Variants in LRP6 observed in about 807,000 individuals in gnomAD.
LRP6 encodes LDL receptor related protein 6.
In LRP6, 43 loss-of-function variants were observed where a neutral mutation model predicts 184.1. The ratio of observed to expected loss-of-function variants is 0.23; its 90% confidence interval spans 0.18 to 0.30. The LOEUF is 0.30. Among genes scored for constraint, LRP6 ranks in the 10% least tolerant of loss-of-function variants. The probability of loss-of-function intolerance (pLI) is 1.00; values close to 1 mark genes in which losing one functional copy is unlikely to be tolerated. For missense variants in LRP6, 1,571 were observed against 2,005.3 expected, an observed-to-expected ratio of 0.78 and a Z score of 4.14; for synonymous variants, 719 against 684.9, an observed-to-expected ratio of 1.05 and a Z score of -0.78.
At chr12:12,165,799 G>A (rs1325121829) in intron 7 of LRP6, among the ~76,000 whole-genome samples, 1 of 151,822 alleles carries the variant, frequency 6.6e-6, no homozygotes, top group Admixed American at 6.6e-5. Flanking sequence ...TTTTTATTTT[G>A]TTGTTGTTGT....
In LRP6 at chr12:12,229,934, G is replaced by A. The variant is rs192453287; in HGVS notation, c.449+14328C>T. Among the ~76,000 whole-genome samples the A allele has an allele frequency of 2.9e-4, 44 of 152,242 alleles. 1 individual carries two copies. The highest frequency in any genetic ancestry group is 2.7e-3 in the Admixed American group (42 of 15,288). The stretch of plus-strand genomic sequence containing the variant: ...TGATAATGATTAAATAAATATATGT[G>A]GTCACAGCTCCACTTTGCAATAGTA... On this transcript the variant is annotated intron_variant, in intron 2 of 22. Transcript: ENST00000261349.
chr12:12,155,749 AT>A (rs1480582431), intron 12 of LRP6: 1 of 987,396 alleles, frequency 1.0e-6, no homozygotes, highest in African/African-American at 1.6e-5. Context: ...GCTGGAACCT[AT>A]TCCCTATGAA....
chr12:12,185,851 T>TG lies in LRP6; in HGVS notation c.844+1071_844+1072insC, dbSNP rs1283787298. ...TTGTGTGTGTGTGTGTTTTTTGTTT[T>TG]TTTTTTTTTTGAGACATAATTTCTT... On this transcript the variant is annotated intron_variant, in intron 4 of 22. Coordinates refer to ENST00000261349, the MANE Select transcript of LRP6 (RefSeq NM_002336.3). 2.4e-3 allele frequency among the ~76,000 whole-genome samples: 367 copies of TG among 151,486 alleles called. 1 individual carries two copies. The highest frequency in any genetic ancestry group is 8.1e-3 in the African/African-American group (333 of 41,272).
At chr12:12,186,725 C>G in intron 4 of LRP6, 198 bp downstream of exon 4, 1 of 578,010 alleles carries the variant, frequency 1.7e-6, no homozygotes, top group Non-Finnish European at 3.2e-6. Flanking sequence ...GTGGCGCAAT[C>G]TCAGCTCACT....
At position 12,117,857 on chromosome 12, in the gene LRP6, T is replaced by G. The variant is rs1398141343; in HGVS notation, c.*3269A>C. ...GTTTCCTTCATATAAATTACTGACTTTAGGATATTTTTAAATGATAAAGAA... is the reference window on the plus strand; with the variant it reads ...GTTTCCTTCATATAAATTACTGACTGTAGGATATTTTTAAATGATAAAGAA... On this transcript the variant is annotated 3_prime_UTR_variant, in exon 23 of 23. Transcript: ENST00000261349. 1 of 152,152 alleles carries G rather than the reference T, an allele frequency of 6.6e-6. No individual in the cohort carries two copies. The highest frequency in any genetic ancestry group is 1.5e-5 in the Non-Finnish European group (1 of 68,018). The allele number at this position is 152,152 out of a possible 1,614,324, so 9.4% of individuals were successfully genotyped here. A position where few individuals can be genotyped will look rare whatever the true frequency, so the allele number is the denominator to read the frequency against.
At chr12:12,175,503 C>T (rs977015570) in intron 7 of LRP6, among the ~76,000 whole-genome samples, 1 of 151,740 alleles carries the variant, frequency 6.6e-6, no homozygotes, top group African/African-American at 2.4e-5. Context: ...CTGGCTAACA[C>T]AGTGAAACCC....
Position 12,125,397 on chromosome 12 carries a change from T to G in LRP6, c.4348A>C (p.Ser1450Arg). 2 of 1,614,052 alleles carry G rather than the reference T, an allele frequency of 1.2e-6. No individual in the cohort carries two copies. Among genetic ancestry groups the G allele is most frequent in the Non-Finnish European group, 1.7e-6 (2 of 1,179,952 alleles). The change falls in exon 21 of 23, where the codon AGT becomes CGT. Residue 1450 changes from serine (S) to arginine (R), a missense_variant. Around this residue, in one of 4 missense-constraint regions of LRP6, gnomAD observed 763 missense variants for 859.5 expected, o/e 0.89. Coordinates refer to ENST00000261349, the MANE Select transcript of LRP6 (RefSeq NM_002336.3). ...SRGKSMISSL[S>R]IMGGSSGPPY... ...GGTCCACTGCTTCCCCCCATGATAC[T>G]GAGGGAGCTGATCATTGATTTACCT...
At chr12:12,207,473 G>A (rs554493223) in intron 2 of LRP6, among the ~76,000 whole-genome samples, 2 of 152,240 alleles carry the variant, frequency 1.3e-5, no homozygotes, top group Non-Finnish European at 2.9e-5. Flanking sequence ...GGCAGAGGAT[G>A]CAGTGAGCCA....
chr12:12,184,940 G>C (rs7966410), intron 4 of LRP6, among the ~76,000 whole-genome samples: 67,513 of 152,028 alleles, frequency 0.44, 17,998 homozygotes, highest in East Asian at 0.77. Flanking sequence ...TAACCAACAT[G>C]AAAGATAACT....
chr12:12,163,507 C>T (rs1338406877), intron 9 of LRP6, among the ~76,000 whole-genome samples: 1 of 152,142 alleles, frequency 6.6e-6, no homozygotes, highest in Non-Finnish European at 1.5e-5. Flanking sequence ...AGGTTGGGAG[C>T]TTCCTCTCTG....
Position 12,196,897 on chromosome 12 carries a change from C to T in LRP6, c.647+6306G>A, listed in dbSNP as rs143783629. ...TGATGTTAGTAGCCATCGACGCTCA[C>T]CACCTAGACCCATTCGTTCACCAAA... On this transcript the variant is annotated intron_variant, in intron 3 of 22. Transcript: ENST00000261349. 1.6e-3 allele frequency among the ~76,000 whole-genome samples: 245 copies of T among 152,278 alleles called. 6 individuals are homozygous for T. Among genetic ancestry groups the T allele is most frequent in the African/African-American group, 5.7e-3 (235 of 41,546 alleles).
intron 15 of LRP6, chr12:12,138,820 CTT>C (rs769428996): frequency 5.1e-5 from 72 of 1,419,708 alleles, no homozygotes; most frequent in Non-Finnish European, 6.6e-5. Flanking sequence ...AAAACCCTAA[CTT>C]ATATATACAA....
intron 7 of LRP6, among the ~76,000 whole-genome samples, chr12:12,167,966 T>C (rs1212089576): frequency 4.6e-5 from 7 of 152,188 alleles, no homozygotes; most frequent in Admixed American, 4.6e-4. Context: ...AGTGGGAAAC[T>C]ACACAGCTAC....
intron 12 of LRP6, among the ~76,000 whole-genome samples, chr12:12,151,478 G>GAA (rs200629196): frequency 5.3e-5 from 5 of 94,542 alleles, no homozygotes; most frequent in Non-Finnish European, 6.7e-5. Flanking sequence ...CCCATCTAAG[G>GAA]AAAAAAAAAA....
At chr12:12,258,652 AG>A (rs1162901767) in intron 1 of LRP6, among the ~76,000 whole-genome samples, 1 of 152,248 alleles carries the variant, frequency 6.6e-6, no homozygotes, top group African/African-American at 2.4e-5. Context: ...TAAATCTAGA[AG>A]GTTACAAATA....
chr12:12,141,030 C>A (rs1451848604), intron 15 of LRP6, among the ~76,000 whole-genome samples: 1 of 152,038 alleles, frequency 6.6e-6, no homozygotes, highest in Non-Finnish European at 1.5e-5. Flanking sequence ...CTTAATTTGA[C>A]AAAGGTTATC....
intron 14 of LRP6, among the ~76,000 whole-genome samples, chr12:12,148,625 G>A (rs889107300): frequency 2.6e-5 from 4 of 152,154 alleles, no homozygotes; most frequent in African/African-American, 7.2e-5. Context: ...GTATTCAGGA[G>A]GGGGCAAAAA....
intron 2 of LRP6, among the ~76,000 whole-genome samples, chr12:12,243,733 C>G (rs544857374): frequency 1.3e-5 from 2 of 152,064 alleles, no homozygotes; most frequent in African/African-American, 4.8e-5. Context: ...CTGGGCAACA[C>G]GGTGAAATTC....
At chr12:12,248,268 T>C (rs942124803) in intron 1 of LRP6, among the ~76,000 whole-genome samples, 1 of 152,146 alleles carries the variant, frequency 6.6e-6, no homozygotes, top group South Asian at 2.1e-4. Context: ...TATTGTTTTG[T>C]TTTAATAACC....
Sources: allele counts gnomAD v4.1 joint callset (sites outside exome capture counted in the v4.1 genomes callset), GRCh38; gene constraint gnomAD v4.1.1; regional missense constraint gnomAD v4.1.1; transcripts MANE v1.5; gene names NCBI Gene and HGNC (gene_info 2026-07-23, HGNC 2026-07-21).